Variants in LRMDA observed in about 807,000 individuals in gnomAD.
LRMDA encodes leucine rich melanocyte differentiation associated.
In LRMDA, 18 loss-of-function variants were observed where a neutral mutation model predicts 29.8. That is an observed-to-expected ratio of 0.60 (90% CI 0.42 to 0.90). LRMDA has a LOEUF of 0.90. Among genes scored for constraint, LRMDA ranks in the 40% least tolerant of loss-of-function variants. The pLI is 0.00. For synonymous variants in LRMDA, 125 were observed against 109.4 expected, an observed-to-expected ratio of 1.14 and a Z score of -0.89; for missense variants, 273 against 273.9, an observed-to-expected ratio of 1.00 and a Z score of 0.02.
At chr10:75,666,297 T>C (rs1841821150) in intron 2 of LRMDA, among the ~76,000 whole-genome samples, 1 of 152,142 alleles carries the variant, frequency 6.6e-6, no homozygotes, top group Non-Finnish European at 1.5e-5. Flanking sequence ...ACATTACTCC[T>C]TGTACTATTG....
chr10:76,020,281 A>C (rs1336567671), intron 2 of LRMDA, among the ~76,000 whole-genome samples: 1 of 152,226 alleles, frequency 6.6e-6, no homozygotes, highest in Non-Finnish European at 1.5e-5. Flanking sequence ...ATGCATGTTC[A>C]GGAAAACATG....
intron 5 of LRMDA, among the ~76,000 whole-genome samples, chr10:76,224,326 C>G (rs1033376520): frequency 6.6e-6 from 1 of 151,330 alleles, no homozygotes; most frequent in Admixed American, 6.6e-5. Flanking sequence ...AATCCCAGCA[C>G]TTTTGGAGAC....
intron 5 of LRMDA, among the ~76,000 whole-genome samples, chr10:76,104,806 C>G (rs10824366): frequency 0.44 from 66,884 of 151,830 alleles, 15,206 homozygotes; most frequent in Non-Finnish European, 0.46. Flanking sequence ...ATGGAACCCC[C>G]CTCTGGCTGC....
chr10:76,379,861 C>T (rs753410515), intron 6 of LRMDA, among the ~76,000 whole-genome samples: 50 of 152,224 alleles, frequency 3.3e-4, no homozygotes, highest in Middle Eastern at 6.8e-3. Flanking sequence ...ATAAACTTTC[C>T]TCTTAGCACC....
chr10:75,899,910 A>G (rs1240342139), intron 2 of LRMDA, among the ~76,000 whole-genome samples: 1 of 152,172 alleles, frequency 6.6e-6, no homozygotes, highest in East Asian at 1.9e-4. Context: ...TTCTTTGAAG[A>G]CCTGTCTCTA....
chr10:75,929,155 G>C (rs1019473880), intron 2 of LRMDA, among the ~76,000 whole-genome samples: 3 of 152,152 alleles, frequency 2.0e-5, no homozygotes, highest in Non-Finnish European at 4.4e-5. Flanking sequence ...AGACAGGGCA[G>C]TGCACTAGAT....
At chr10:76,542,023 A>G (rs1328315883) in intron 6 of LRMDA, among the ~76,000 whole-genome samples, 1 of 151,050 alleles carries the variant, frequency 6.6e-6, no homozygotes, top group Non-Finnish European at 1.5e-5. Context: ...ATGTGTGTGC[A>G]TGTATACATG....
intron 2 of LRMDA, among the ~76,000 whole-genome samples, chr10:76,026,123 C>T (rs1344876063): frequency 6.6e-6 from 1 of 152,116 alleles, no homozygotes; most frequent in Non-Finnish European, 1.5e-5. Context: ...CTAGGAGCAT[C>T]CATGGAGTAC....
At chr10:76,134,961 A>G (rs2132141658) in intron 5 of LRMDA, among the ~76,000 whole-genome samples, 1 of 152,350 alleles carries the variant, frequency 6.6e-6, no homozygotes, top group Admixed American at 6.5e-5. Flanking sequence ...CTCAATACCC[A>G]GGAGAATATT....
intron 2 of LRMDA, among the ~76,000 whole-genome samples, chr10:75,605,455 G>T (rs1392400395): frequency 2.0e-5 from 3 of 152,158 alleles, no homozygotes; most frequent in African/African-American, 7.2e-5. Flanking sequence ...TTTGTACATT[G>T]TGGGATACTT....
intron 5 of LRMDA, among the ~76,000 whole-genome samples, chr10:76,105,610 A>G (rs1224192382): frequency 6.6e-6 from 1 of 152,186 alleles, no homozygotes; most frequent in Non-Finnish European, 1.5e-5. Context: ...GCCCCAAGCC[A>G]AGACATGCCT....
chr10:75,781,519 C>A (rs1843383051), intron 2 of LRMDA, among the ~76,000 whole-genome samples: 1 of 152,184 alleles, frequency 6.6e-6, no homozygotes. Flanking sequence ...ACAACAATAA[C>A]AACAGCAAAC....
At chr10:75,590,522 G>A (rs900158048) in intron 2 of LRMDA, among the ~76,000 whole-genome samples, 30 of 152,064 alleles carry the variant, frequency 2.0e-4, no homozygotes, top group African/African-American at 6.5e-4. Context: ...TAGGAGATGA[G>A]GAGAAATGAA....
At chr10:76,076,968 G>A (rs930018420) in intron 5 of LRMDA, among the ~76,000 whole-genome samples, 3 of 152,196 alleles carry the variant, frequency 2.0e-5, no homozygotes, top group Non-Finnish European at 4.4e-5. Flanking sequence ...TGTGCTCCAC[G>A]TTACCTGGAC....
rs141848231 is a variant in LRMDA at position 76,525,229 on chromosome 10, C to T, written c.602-31980C>T. ...CACAAGAATTTGTGTTTCTAATGGG[C>T]CTAAGTTTCATAGGTAATCAGTATT... On this transcript the variant is annotated intron_variant, in intron 6 of 6. Coordinates refer to ENST00000611255, the MANE Select transcript of LRMDA (RefSeq NM_001305581.2). Among the ~76,000 whole-genome samples the T allele has an allele frequency of 2.6e-4, 39 of 152,208 alleles. No individual in the cohort carries two copies. The East Asian group carries it at 7.1e-3, about 28-fold the overall frequency.
chr10:75,613,633 T>G (rs567212913), intron 2 of LRMDA, among the ~76,000 whole-genome samples: 31 of 152,182 alleles, frequency 2.0e-4, no homozygotes, highest in Non-Finnish European at 4.0e-4. Flanking sequence ...TTCATCTTGT[T>G]TTTTCACAAA....
chr10:75,833,810 G>T (rs1312783659), intron 2 of LRMDA, among the ~76,000 whole-genome samples: 1 of 152,160 alleles, frequency 6.6e-6, no homozygotes, highest in Admixed American at 6.5e-5. Context: ...GATGGGACAG[G>T]CACAGGAGAC....
chr10:76,166,529 C>T (rs1850744013), intron 5 of LRMDA, among the ~76,000 whole-genome samples: 1 of 152,120 alleles, frequency 6.6e-6, no homozygotes, highest in Admixed American at 6.5e-5. Context: ...TCCATGTGTT[C>T]TCATCATTTA....
rs146050596 is a variant in LRMDA, at chr10:75,493,650, A to T, written c.131+55156A>T. ...TGGCACCTCCTGGAACACTGGCCTC[A>T]TCTTCCCTGCTGTTGGGTAACTGCT... On this transcript the variant is annotated intron_variant, in intron 2 of 6. Transcript: ENST00000611255. Among the ~76,000 whole-genome samples the T allele has an allele frequency of 4.6e-3, 705 of 152,256 alleles. 2 individuals are homozygous for T. Among genetic ancestry groups the T allele is most frequent in the Middle Eastern group, 0.017 (5 of 294 alleles).
Sources: allele counts gnomAD v4.1 joint callset (sites outside exome capture counted in the v4.1 genomes callset), GRCh38; gene constraint gnomAD v4.1.1; transcripts MANE v1.5; gene names NCBI Gene and HGNC (gene_info 2026-07-23, HGNC 2026-07-21).